IMMP2L: variants seen among roughly 807,000 people sequenced by gnomAD.
The protein encoded by IMMP2L is mitochondrial inner membrane protease subunit 2.
IMMP2L carries 18 observed loss-of-function variants against 19.3 expected under a neutral mutation model. That is an observed-to-expected ratio of 0.93 (90% CI 0.64 to 1.38). The LOEUF (loss-of-function observed/expected upper bound fraction) is 1.38. Ranked by LOEUF, IMMP2L falls within the 40% of genes most tolerant of loss-of-function variation. IMMP2L has a pLI of 0.00. For synonymous variants in IMMP2L, 76 were observed against 73.0 expected (o/e 1.04, Z -0.21); for missense variants, 233 against 218.2 (o/e 1.07, Z -0.43).
rs13308265 is a variant in IMMP2L at position 111,423,241 on chromosome 7, A to G, written c.239+63997T>C. Among the ~76,000 whole-genome samples, 69 of 151,942 alleles carry G rather than the reference A, an allele frequency of 4.5e-4. 1 individual carries two copies. Among genetic ancestry groups the G allele is most frequent in the Middle Eastern group, 3.4e-3 (1 of 294 alleles). ...GATGCTGGCCTCATAAAATGAGTTA[A>G]GGAGGATTCCCTCTTTTTCTATTGA... On this transcript the variant is annotated intron_variant, in intron 3 of 5. Transcript: ENST00000405709.
At chr7:111,072,607 C>A (rs551940942) in intron 3 of IMMP2L, among the ~76,000 whole-genome samples, 3 of 151,632 alleles carry the variant, frequency 2.0e-5, no homozygotes, top group South Asian at 4.2e-4. Flanking sequence ...TCAGATAAAA[C>A]CAGTCTAGGC....
chr7:111,418,227 T>A (rs1563166982), intron 3 of IMMP2L, among the ~76,000 whole-genome samples: 1 of 151,822 alleles, frequency 6.6e-6, no homozygotes, highest in Non-Finnish European at 1.5e-5. Flanking sequence ...GTATATAAAT[T>A]TGCATCTGTA....
intron 3 of IMMP2L, among the ~76,000 whole-genome samples, chr7:111,089,485 T>A (rs1796630630): frequency 6.6e-6 from 1 of 152,098 alleles, no homozygotes; most frequent in Non-Finnish European, 1.5e-5. Context: ...GATACTGAAA[T>A]AATTTGGAAT....
At chr7:111,297,179 T>C (rs1049045337) in intron 3 of IMMP2L, among the ~76,000 whole-genome samples, 7 of 152,030 alleles carry the variant, frequency 4.6e-5, no homozygotes, top group African/African-American at 1.7e-4. Flanking sequence ...ACAAATTCCA[T>C]AGGACTATAT....
intron 5 of IMMP2L, among the ~76,000 whole-genome samples, chr7:110,815,366 G>C (rs1157290158): frequency 9.9e-5 from 15 of 151,998 alleles, no homozygotes; most frequent in Admixed American, 8.5e-4. Context: ...GATTCGGTTT[G>C]CCAGTATTTT....
chr7:110,952,085 G>C (rs1160347258), intron 4 of IMMP2L, among the ~76,000 whole-genome samples: 1 of 152,058 alleles, frequency 6.6e-6, no homozygotes, highest in Non-Finnish European at 1.5e-5. Context: ...TTCTTACTGA[G>C]ATAATTATAC....
At chr7:111,389,706 T>A (rs1208494160) in intron 3 of IMMP2L, among the ~76,000 whole-genome samples, 1 of 152,130 alleles carries the variant, frequency 6.6e-6, no homozygotes, top group Non-Finnish European at 1.5e-5. Flanking sequence ...TTCTACAAGC[T>A]TGAAATCATT....
At chr7:111,080,509 A>AAC (rs1795801183) in intron 3 of IMMP2L, among the ~76,000 whole-genome samples, 1 of 150,948 alleles carries the variant, frequency 6.6e-6, no homozygotes, top group South Asian at 2.1e-4. Context: ...TATAATATAT[A>AAC]ATGTGTGTAT....
intron 3 of IMMP2L, among the ~76,000 whole-genome samples, chr7:111,218,188 TG>T (rs1275270650): frequency 5.9e-5 from 9 of 152,022 alleles, no homozygotes; most frequent in South Asian, 4.1e-4. Context: ...TATAAACAAG[TG>T]TCCCAAGTAT....
At position 111,486,582 on chromosome 7, in the gene IMMP2L, T is replaced by G. The variant is rs956022309; in HGVS notation, c.239+656A>C. 1.3e-5 allele frequency among the ~76,000 whole-genome samples: 2 copies of G among 148,958 alleles called. 1 individual carries two copies. The highest frequency in any genetic ancestry group is 2.9e-5 in the Non-Finnish European group (2 of 67,962). On this transcript the variant is annotated intron_variant, in intron 3 of 5. Transcript: ENST00000405709. ...TGGCTACAGTCTTCCTAGTGTAAATTTACTTTTAAAGCAAACAAACAAAAA... is the reference window on the plus strand; with the variant it reads ...TGGCTACAGTCTTCCTAGTGTAAATGTACTTTTAAAGCAAACAAACAAAAA...
At chr7:111,147,147 T>G (rs1586566824) in intron 3 of IMMP2L, among the ~76,000 whole-genome samples, 1 of 152,124 alleles carries the variant, frequency 6.6e-6, no homozygotes, top group African/African-American at 2.4e-5. Context: ...AATTTATAAT[T>G]TCTATAAGTT....
intron 3 of IMMP2L, among the ~76,000 whole-genome samples, chr7:111,394,334 T>C (rs1832669574): frequency 6.6e-6 from 1 of 152,176 alleles, no homozygotes; most frequent in African/African-American, 2.4e-5. Context: ...TAACAGATTT[T>C]CATTGCTGCC....
intron 3 of IMMP2L, among the ~76,000 whole-genome samples, chr7:111,002,209 C>A (rs1187797285): frequency 1.3e-5 from 2 of 152,000 alleles, no homozygotes; most frequent in Non-Finnish European, 2.9e-5. Context: ...GTAGAAGACA[C>A]AAGGTATAGG....
At chr7:111,452,273 GCTAA>G (rs1174869232) in intron 3 of IMMP2L, among the ~76,000 whole-genome samples, 2 of 152,228 alleles carry the variant, frequency 1.3e-5, no homozygotes, top group African/African-American at 4.8e-5. Flanking sequence ...AAAGCCAGAA[GCTAA>G]CTATTATTTT....
chr7:111,016,572 TAC>T (rs1158499666), intron 3 of IMMP2L, among the ~76,000 whole-genome samples: 1 of 116,670 alleles, frequency 8.6e-6, no homozygotes, highest in African/African-American at 3.5e-5. Flanking sequence ...ATATAATACA[TAC>T]ATATACATAT....
intron 3 of IMMP2L, among the ~76,000 whole-genome samples, chr7:111,427,757 T>G (rs1456457855): frequency 6.6e-6 from 1 of 151,790 alleles, no homozygotes; most frequent in East Asian, 1.9e-4. Context: ...CTCTTAATAT[T>G]TACGACAGTA....
chr7:111,463,191 G>C (rs1310973749), intron 3 of IMMP2L, among the ~76,000 whole-genome samples: 2 of 152,040 alleles, frequency 1.3e-5, no homozygotes, highest in African/African-American at 4.8e-5. Context: ...GTGTGTGTGT[G>C]TGTGTGTCCC....
intron 5 of IMMP2L, among the ~76,000 whole-genome samples, chr7:110,790,873 A>G (rs1562977128): frequency 6.6e-6 from 1 of 151,678 alleles, no homozygotes; most frequent in Non-Finnish European, 1.5e-5. Flanking sequence ...AAAAATATGC[A>G]AAGAGACCAA....
chr7:110,891,940 G>T (rs1476636740), intron 4 of IMMP2L, among the ~76,000 whole-genome samples: 1 of 152,130 alleles, frequency 6.6e-6, no homozygotes, highest in Non-Finnish European at 1.5e-5. Context: ...ACAAGGAATA[G>T]ATAATATTTG....
Sources: allele counts gnomAD v4.1 joint callset (sites outside exome capture counted in the v4.1 genomes callset), GRCh38; gene constraint gnomAD v4.1.1; transcripts MANE v1.5; gene names NCBI Gene and HGNC (gene_info 2026-07-23, HGNC 2026-07-21).